The following PRKCA variants were observed in gnomAD, a reference collection of about 807,000 sequenced individuals.
The protein encoded by PRKCA is protein kinase C alpha.
In PRKCA, 27 loss-of-function variants were observed where a neutral mutation model predicts 87.0. That is an observed-to-expected ratio of 0.31 (90% CI 0.23 to 0.43). The LOEUF (loss-of-function observed/expected upper bound fraction) is 0.43. Ranked by LOEUF, PRKCA falls within the 20% of genes least tolerant of loss-of-function variation. The pLI, the probability that PRKCA is intolerant of heterozygous loss-of-function variation, is 1.00. For synonymous variants in PRKCA, 329 were observed against 311.1 expected (o/e 1.06, Z -0.61); for missense variants, 518 against 852.3 (o/e 0.61, Z 4.88).
intron 8 of PRKCA, among the ~76,000 whole-genome samples, chr17:66,730,581 A>G (rs1973860336): frequency 6.6e-6 from 1 of 152,098 alleles, no homozygotes; most frequent in African/African-American, 2.4e-5. Flanking sequence ...ACATTTGTAA[A>G]CTGTCTTGGT....
intron 2 of PRKCA, among the ~76,000 whole-genome samples, chr17:66,368,106 T>A (rs370092952): frequency 2.0e-5 from 3 of 152,176 alleles, no homozygotes; most frequent in East Asian, 3.9e-4. Flanking sequence ...TTCAGTGGCA[T>A]TTCTACCAGA....
chr17:66,546,650 C>T (rs1968153174), intron 3 of PRKCA, among the ~76,000 whole-genome samples: 1 of 152,164 alleles, frequency 6.6e-6, no homozygotes, highest in African/African-American at 2.4e-5. Flanking sequence ...TTAGGGGCTA[C>T]CCTAATCCAA....
intron 2 of PRKCA, chr17:66,398,309 G>T (rs922071930): frequency 6.6e-6 from 1 of 152,154 alleles, no homozygotes; most frequent in East Asian, 1.9e-4. Context: ...ATGCAGACAC[G>T]ATTTATACCC....
At chr17:66,533,762 C>CG (rs925837916) in intron 3 of PRKCA, among the ~76,000 whole-genome samples, 33 of 152,142 alleles carry the variant, frequency 2.2e-4, no homozygotes, top group African/African-American at 8.0e-4. Context: ...GTTGTTGACT[C>CG]GGGGGAGCGG....
intron 2 of PRKCA, among the ~76,000 whole-genome samples, chr17:66,406,585 G>GATTTT (rs529714675): frequency 2.8e-5 from 2 of 70,178 alleles, no homozygotes; most frequent in African/African-American, 9.2e-5. Context: ...GCTTTTCCAG[G>GATTTT]TTTTTTTTTT....
rs1246960696 is a variant in PRKCA at position 66,777,880 on chromosome 17, C to T, written c.1605+3813C>T. ...GTCTGCAGGAAAGTCCTCCTCCCTC[C>T]CGCAGCCTGGCTTCTCCCCTCTCCA... On this transcript the variant is annotated intron_variant, in intron 14 of 16. Coordinates refer to ENST00000413366, the MANE Select transcript of PRKCA (RefSeq NM_002737.3). 15 of 985,300 alleles carry T rather than the reference C, an allele frequency of 1.5e-5. No individual in the cohort carries two copies. The African/African-American group carries it at 2.3e-4, about 15-fold the overall frequency. 61.0% of individuals were successfully genotyped at this position (985,300 alleles called of 1,614,324 possible). A position where few individuals can be genotyped will look rare whatever the true frequency, so the allele number is the denominator to read the frequency against.
chr17:66,373,261 G>C (rs1243237391), intron 2 of PRKCA, among the ~76,000 whole-genome samples: 1 of 152,146 alleles, frequency 6.6e-6, no homozygotes, highest in African/African-American at 2.4e-5. Context: ...CTGAGTACTT[G>C]CTATGTGGTG....
At chr17:66,375,908 T>C (rs1909390741) in intron 2 of PRKCA, among the ~76,000 whole-genome samples, 1 of 152,186 alleles carries the variant, frequency 6.6e-6, no homozygotes, top group African/African-American at 2.4e-5. Context: ...TATTGCTACC[T>C]GCTTGCTAAC....
At chr17:66,558,972 A>G (rs558335570) in intron 3 of PRKCA, among the ~76,000 whole-genome samples, 1 of 152,252 alleles carries the variant, frequency 6.6e-6, no homozygotes, top group Admixed American at 6.5e-5. Flanking sequence ...GCAAACTGGA[A>G]ATAGTGCTGG....
At chr17:66,346,341 C>T (rs1907366049) in intron 2 of PRKCA, among the ~76,000 whole-genome samples, 1 of 151,950 alleles carries the variant, frequency 6.6e-6, no homozygotes. Context: ...TAGTGATCTG[C>T]CCACCTTGGC....
At chr17:66,659,287 A>G (rs531561829) in intron 5 of PRKCA, among the ~76,000 whole-genome samples, 2 of 152,336 alleles carry the variant, frequency 1.3e-5, no homozygotes, top group Non-Finnish European at 2.9e-5. Context: ...AAGTTGGAAC[A>G]TCACATCTTG....
intron 3 of PRKCA, among the ~76,000 whole-genome samples, chr17:66,638,596 C>T (rs1013976863): frequency 6.6e-6 from 1 of 152,050 alleles, no homozygotes; most frequent in Non-Finnish European, 1.5e-5. Flanking sequence ...TAGTCATAGG[C>T]CAAATGCTTT....
At chr17:66,518,173 A>G (rs573395214) in intron 3 of PRKCA, among the ~76,000 whole-genome samples, 1 of 152,282 alleles carries the variant, frequency 6.6e-6, no homozygotes, top group African/African-American at 2.4e-5. Context: ...AGGCGAGGAG[A>G]AGGCTACGGG....
At chr17:66,458,721 T>C (rs1352936669) in intron 2 of PRKCA, among the ~76,000 whole-genome samples, 2 of 152,122 alleles carry the variant, frequency 1.3e-5, no homozygotes, top group Non-Finnish European at 2.9e-5. Context: ...GCTCAGGTGG[T>C]CCGCCCACCT....
intron 5 of PRKCA, among the ~76,000 whole-genome samples, chr17:66,656,854 T>A (rs950080688): frequency 6.6e-6 from 1 of 152,176 alleles, no homozygotes; most frequent in Admixed American, 6.5e-5. Flanking sequence ...AATGGCTCAG[T>A]AGGAAGCTAG....
In PRKCA at chr17:66,318,130, T is replaced by C. The variant is rs548849279; in HGVS notation, c.205+12003T>C. Among the ~76,000 whole-genome samples the C allele has an allele frequency of 8.5e-5, 13 of 152,376 alleles. No individual in the cohort carries two copies. The East Asian group carries it at 2.3e-3, about 27-fold the overall frequency. On this transcript the variant is annotated intron_variant, in intron 2 of 16. Transcript: ENST00000413366. ...CTTTTTAGTGAACTTAATTTTATCA[T>C]GTGCCAAATTTGTTTAATACTGAAG... is the stretch of plus-strand genomic sequence containing the variant.
At chr17:66,617,101 C>CA (rs1478118911) in intron 3 of PRKCA, among the ~76,000 whole-genome samples, 1 of 152,090 alleles carries the variant, frequency 6.6e-6, no homozygotes, top group East Asian at 1.9e-4. Flanking sequence ...ATGTCATTCT[C>CA]AATCTTTTAA....
intron 2 of PRKCA, among the ~76,000 whole-genome samples, chr17:66,337,749 A>G (rs1224694993): frequency 6.6e-6 from 1 of 152,096 alleles, no homozygotes; most frequent in Admixed American, 6.6e-5. Context: ...TTTTAATAAT[A>G]TACCTCAATG....
intron 1 of PRKCA, 32 bp from the exon 2 acceptor site, chr17:66,306,064 T>A (rs768255658): frequency 1.3e-5 from 21 of 1,607,904 alleles, no homozygotes; most frequent in Non-Finnish European, 1.8e-5. Context: ...GAAAATATGT[T>A]AAGATATTTT....
Sources: allele counts gnomAD v4.1 joint callset (sites outside exome capture counted in the v4.1 genomes callset), GRCh38; gene constraint gnomAD v4.1.1; transcripts MANE v1.5; gene names NCBI Gene and HGNC (gene_info 2026-07-23, HGNC 2026-07-21).